PXK: variants seen among roughly 807,000 people sequenced by gnomAD.
PXK encodes PX domain-containing protein kinase-like protein.
In PXK, 35 loss-of-function variants were observed where a neutral mutation model predicts 84.7. The observed-to-expected ratio is 0.41, with a 90% CI of 0.32 to 0.55. The LOEUF (loss-of-function observed/expected upper bound fraction) is 0.55. Among genes scored for constraint, PXK ranks in the 20% least tolerant of loss-of-function variants. The pLI is 0.21. For synonymous variants in PXK, 253 were observed against 260.8 expected, an observed-to-expected ratio of 0.97 and a Z score of 0.29; for missense variants, 634 against 699.7, an observed-to-expected ratio of 0.91 and a Z score of 1.06.
intron 1 of PXK, among the ~76,000 whole-genome samples, chr3:58,341,444 A>G (rs2097728703): frequency 6.6e-6 from 1 of 151,980 alleles, no homozygotes; most frequent in South Asian, 2.1e-4. Context: ...CGCCTGTAAT[A>G]CTAGCTACTT....
At chr3:58,362,080 A>G (rs2098196880) in intron 1 of PXK, among the ~76,000 whole-genome samples, 1 of 152,210 alleles carries the variant, frequency 6.6e-6, no homozygotes, top group Non-Finnish European at 1.5e-5. Context: ...CCTGAGGGCT[A>G]GTAATGTTGA....
At chr3:58,357,063 G>C (rs1463169366) in intron 1 of PXK, among the ~76,000 whole-genome samples, 1 of 151,022 alleles carries the variant, frequency 6.6e-6, no homozygotes, top group African/African-American at 2.4e-5. Context: ...GGCAGATCAT[G>C]AGGTCAAGAG....
intron 3 of PXK, among the ~76,000 whole-genome samples, chr3:58,377,771 A>G (rs949890986): frequency 1.3e-5 from 2 of 152,246 alleles, no homozygotes; most frequent in African/African-American, 4.8e-5. Flanking sequence ...CAAACAGAAC[A>G]GGAGAAGAAA....
At chr3:58,344,385 G>A (rs1269335979) in intron 1 of PXK, among the ~76,000 whole-genome samples, 1 of 152,216 alleles carries the variant, frequency 6.6e-6, no homozygotes, top group African/African-American at 2.4e-5. Flanking sequence ...AAAAACATCA[G>A]TGACACCTCC....
intron 17 of PXK, among the ~76,000 whole-genome samples, chr3:58,417,040 G>T (rs962494284): frequency 6.6e-6 from 1 of 152,168 alleles, no homozygotes; most frequent in Non-Finnish European, 1.5e-5. Flanking sequence ...GAGAGGCTGG[G>T]ACTATAGGCG....
In PXK at chr3:58,397,449, G is replaced by A. The variant is rs768023274; in HGVS notation, c.985-156G>A. ...GACCAAGACCTTTGGGATACCTCATGAGGTTTTACAGAAGGCTTTGGAGTT... is the reference window on the plus strand; with the variant it reads ...GACCAAGACCTTTGGGATACCTCATAAGGTTTTACAGAAGGCTTTGGAGTT... On this transcript the variant is annotated intron_variant, in intron 10 of 17. Coordinates refer to ENST00000356151, the MANE Select transcript of PXK (RefSeq NM_017771.5). This position sits in a 1 kb window ranked among gnomAD's most constrained non-coding sequence, Gnocchi z 4.7. Among the ~76,000 whole-genome samples the A allele has an allele frequency of 6.6e-6, 1 of 152,208 alleles. No homozygotes were observed. The highest frequency in any genetic ancestry group is 1.5e-5 in the Non-Finnish European group (1 of 68,036).
intron 1 of PXK, among the ~76,000 whole-genome samples, chr3:58,359,641 TTA>T (rs2098147298): frequency 6.6e-6 from 1 of 152,142 alleles, no homozygotes; most frequent in Non-Finnish European, 1.5e-5. Context: ...AAAAACATGT[TTA>T]TGTGTAGTTG....
chr3:58,338,726 C>A (rs1295688630), intron 1 of PXK, among the ~76,000 whole-genome samples: 1 of 151,324 alleles, frequency 6.6e-6, no homozygotes, highest in Non-Finnish European at 1.5e-5. Flanking sequence ...TGCTCTGTCC[C>A]CCAGGTGGGA....
intron 13 of PXK, 103 bp from the exon 14 acceptor site, chr3:58,408,821 C>T (rs1576688736): frequency 9.8e-6 from 9 of 913,874 alleles, no homozygotes; most frequent in Non-Finnish European, 1.6e-5. Context: ...CGCGCCCGGC[C>T]GAAATGACTC....
chr3:58,349,545 G>A (rs950472759), intron 1 of PXK, among the ~76,000 whole-genome samples: 13 of 151,670 alleles, frequency 8.6e-5, no homozygotes, highest in Non-Finnish European at 1.9e-4. Context: ...TAGTAGAGAC[G>A]GGGTTTCACC....
Position 58,390,596 on chromosome 3 carries a change from C to CA in PXK, c.404dup (p.Val136GlyfsTer34). 1.9e-6 allele frequency: 3 copies of CA among 1,612,944 alleles called. No individual in the cohort carries two copies. Among genetic ancestry groups the CA allele is most frequent in the Non-Finnish European group, 2.5e-6 (3 of 1,179,314 alleles). Reference sequence around the variant, plus strand: ...TGTCTTTGCAGAGATTGCCTTGCAACAGGTTTCCATGTTCTTCCGATCAGA... The same window carrying CA: ...TGTCTTTGCAGAGATTGCCTTGCAACAAGGTTTCCATGTTCTTCCGATCAGA... On this transcript the variant is annotated frameshift_variant, in exon 5 of 18. Coordinates refer to ENST00000356151, the MANE Select transcript of PXK (RefSeq NM_017771.5). LOFTEE classifies it high-confidence loss of function. This position sits in a 1 kb window ranked among gnomAD's most constrained non-coding sequence, Gnocchi z 4.2.
intron 4 of PXK, among the ~76,000 whole-genome samples, chr3:58,389,234 A>G (rs2098598326): frequency 6.6e-6 from 1 of 152,092 alleles, no homozygotes; most frequent in Non-Finnish European, 1.5e-5. Flanking sequence ...GTTGCTGTAC[A>G]CTGGCTTTTA....
intron 1 of PXK, among the ~76,000 whole-genome samples, chr3:58,347,636 T>C (rs1249263464): frequency 6.6e-6 from 1 of 152,194 alleles, no homozygotes; most frequent in Non-Finnish European, 1.5e-5. Context: ...TGGTAGATAT[T>C]TGGGTTATTT....
In PXK at chr3:58,399,262, T is replaced by G. The variant is rs773770089; in HGVS notation, c.1103-37T>G. 2 of 1,586,024 alleles carry G rather than the reference T, an allele frequency of 1.3e-6. No individual in the cohort carries two copies. The highest frequency in any genetic ancestry group is 2.2e-5 in the South Asian group (2 of 90,482). On this transcript the variant is annotated intron_variant, in intron 11 of 17. Coordinates refer to ENST00000356151, the MANE Select transcript of PXK (RefSeq NM_017771.5). This position sits in a 1 kb window ranked among gnomAD's most constrained non-coding sequence, Gnocchi z 4.3. ...ATCAGCAAGTGGATTTGCCAGCGTG[T>G]TCTGTGGAACTAAAATGTGTATCTG...
chr3:58,385,076 T>C lies in PXK; in HGVS notation c.388+2376T>C, dbSNP rs1161299209. Among the ~76,000 whole-genome samples the C allele has an allele frequency of 6.6e-6, 1 of 152,162 alleles. No homozygotes were observed. The highest frequency in any genetic ancestry group is 1.5e-5 in the Non-Finnish European group (1 of 68,028). Reference sequence around the variant, plus strand: ...ATTCTGACAGTTGTTGGTTCTCTGCTTTTTTCTGTACCTGCCCCACATGCT... The same window carrying C: ...ATTCTGACAGTTGTTGGTTCTCTGCCTTTTTCTGTACCTGCCCCACATGCT... On this transcript the variant is annotated intron_variant, in intron 4 of 17. Transcript: ENST00000356151. The surrounding 1 kb of genome is among the most constrained non-coding windows in gnomAD (Gnocchi z 5.1).
intron 3 of PXK, among the ~76,000 whole-genome samples, chr3:58,372,216 T>C (rs1275033742): frequency 6.6e-6 from 1 of 152,260 alleles, no homozygotes; most frequent in Non-Finnish European, 1.5e-5. Flanking sequence ...TTATAGGTTA[T>C]GTCTTTTTCT....
At position 58,391,226 on chromosome 3, in the gene PXK, C is replaced by G. The variant is rs2098628397; in HGVS notation, c.540+6C>G. The G allele has an allele frequency of 1.2e-6, 2 of 1,610,830 alleles. No individual in the cohort carries two copies. The highest frequency in any genetic ancestry group is 1.7e-5 in the Admixed American group (1 of 59,916). On this transcript the variant is annotated splice_donor_region_variant and intron_variant, in intron 6 of 17. Transcript: ENST00000356151. ...AACGGCTAGTGTTAAGCTGGGTAAG[C>G]TAGCTTTTTGCTTTGGTCTCCTTCA... is the stretch of plus-strand genomic sequence containing the variant.
intron 17 of PXK, chr3:58,420,507 C>T: frequency 6.5e-7 from 1 of 1,535,658 alleles, no homozygotes; most frequent in Non-Finnish European, 8.7e-7. Context: ...TGTGTCCCCC[C>T]TTTCTCTCTC....
At position 58,370,727 on chromosome 3, in the gene PXK, C is replaced by T. The variant is rs6793358; in HGVS notation, c.201+1249C>T. ...GAAAATAAGCATTTGGGCCACACGT[C>T]GTGGCTCACTCCCGTAATCCCAGCA... On this transcript the variant is annotated intron_variant, in intron 3 of 17. Transcript: ENST00000356151. The surrounding 1 kb of genome is among the most constrained non-coding windows in gnomAD (Gnocchi z 4.2). Among the ~76,000 whole-genome samples, 206 of 152,108 alleles carry T rather than the reference C, an allele frequency of 1.4e-3. No homozygotes were observed. Among genetic ancestry groups the T allele is most frequent in the Non-Finnish European group, 2.4e-3 (162 of 67,982 alleles).
Sources: gnomAD v4.1 joint callset for allele counts (sites outside exome capture counted in the v4.1 genomes callset) on GRCh38, gnomAD v4.1.1 for gene constraint, Gnocchi (gnomAD v3.1) non-coding constraint, MANE v1.5 for transcripts, NCBI Gene and HGNC (gene_info 2026-07-23, HGNC 2026-07-21) for gene names.